Variants in PLPP5 observed in about 807,000 individuals in gnomAD.
PLPP5 encodes the protein diacylglycerol pyrophosphate like 1.
Under a neutral mutation model 23.6 loss-of-function variants are expected in PLPP5, and 29 were observed. The observed-to-expected ratio is 1.23, with a 90% CI of 0.92 to 1.68. The LOEUF is 1.68. PLPP5 is among the 40% of genes most tolerant of loss of function. The pLI, the probability that PLPP5 is intolerant of heterozygous loss-of-function variation, is 0.00. For synonymous variants in PLPP5, 143 were observed against 131.3 expected (o/e 1.09, Z -0.61); for missense variants, 315 against 332.1 (o/e 0.95, Z 0.40).
chr8:38,266,817 A>T (rs1015500227), intron 5 of PLPP5, among the ~76,000 whole-genome samples: 3 of 152,224 alleles, frequency 2.0e-5, no homozygotes, highest in African/African-American at 7.2e-5. Context: ...TTATCTGAGT[A>T]TAGTTTTCGG....
chr8:38,267,712 GCCCAGGTGTCA>G lies in PLPP5; in HGVS notation c.338+174_338+184del. The G allele has an allele frequency of 5.9e-6, 4 of 676,174 alleles. No individual in the cohort carries two copies. In the East Asian group the frequency reaches 1.1e-4, roughly 19 times the overall value. 41.9% of individuals were successfully genotyped at this position (676,174 alleles called of 1,614,324 possible). A position where few individuals can be genotyped will look rare whatever the true frequency, so the allele number is the denominator to read the frequency against. Reference sequence around the variant, plus strand: ...GGAAATGCTGTTCAGGCAGAAAAGAGCCCAGGTGTCACCTGGAGGACTGAGGTATGGGGAAG... The same window carrying G: ...GGAAATGCTGTTCAGGCAGAAAAGAGCCTGGAGGACTGAGGTATGGGGAAG... On this transcript the variant is annotated intron_variant, in intron 4 of 6. Coordinates refer to ENST00000424479, the MANE Select transcript of PLPP5 (RefSeq NM_001102559.2).
intron 2 of PLPP5, chr8:38,268,671 G>A (rs1309133860): frequency 4.9e-5 from 70 of 1,431,580 alleles, no homozygotes; most frequent in Admixed American, 5.7e-5. Flanking sequence ...CAGAGCGCCC[G>A]GGAAAACGTT....
chr8:38,268,794 C>G, intron 2 of PLPP5, 88 bp downstream of exon 2: 1 of 1,447,530 alleles, frequency 6.9e-7, no homozygotes, highest in Non-Finnish European at 9.1e-7. Flanking sequence ...TGGGTCCCTA[C>G]AAAGGCCGTC....
chr8:38,264,698 T>G, intron 6 of PLPP5, 94 bp from the exon 7 acceptor site: 1 of 1,437,278 alleles, frequency 7.0e-7, no homozygotes, highest in South Asian at 1.5e-5. Context: ...TCCAGGATAC[T>G]CTACTGTGGG....
At chr8:38,266,696 G>A (rs1230266933) in intron 5 of PLPP5, among the ~76,000 whole-genome samples, 2 of 152,146 alleles carry the variant, frequency 1.3e-5, no homozygotes, top group South Asian at 2.1e-4. Flanking sequence ...CACCACACCC[G>A]GCCATGAGGG....
chr8:38,268,166 C>T, intron 3 of PLPP5: 1 of 1,292,750 alleles, frequency 7.7e-7, no homozygotes, highest in Non-Finnish European at 1.0e-6. Context: ...GTACAAATAA[C>T]CCAGTGCATT....
intron 6 of PLPP5, chr8:38,265,211 A>T: frequency 3.1e-6 from 1 of 325,210 alleles, no homozygotes; most frequent in East Asian, 6.7e-5. Flanking sequence ...GGTTGCAGTG[A>T]GCCGAGATGG....
chr8:38,266,058 T>C (rs1807535034), intron 6 of PLPP5, 83 bp downstream of exon 6: 2 of 1,287,618 alleles, frequency 1.6e-6, no homozygotes, highest in South Asian at 1.5e-5. Flanking sequence ...AGCAGATATT[T>C]AGTAAGCATC....
chr8:38,268,366 C>T lies in PLPP5; in HGVS notation c.274+5G>A. On this transcript the variant is annotated splice_donor_5th_base_variant and intron_variant, in intron 3 of 6. Coordinates refer to ENST00000424479, the MANE Select transcript of PLPP5 (RefSeq NM_001102559.2). ...AGAAACCGGCCCGAAAGGGCTAGCG[C>T]TCACCCAGGCAGGCTTGTCTGCTGT... The T allele has an allele frequency of 4.5e-6, 7 of 1,562,960 alleles. No individual in the cohort carries two copies. Among genetic ancestry groups the T allele is most frequent in the Non-Finnish European group, 6.1e-6 (7 of 1,153,194 alleles).
rs1208821857 is a variant in PLPP5, at chr8:38,269,153, A to C, written c.47T>G (p.Val16Gly). The change falls in exon 1 of 7, where the codon GTG (valine) becomes GGG (glycine). Residue 16 changes from valine (V) to glycine (G), a missense_variant. Physicochemically the swap from Val to Gly is moderately radical, Grantham distance 109. Coordinates refer to ENST00000424479, the MANE Select transcript of PLPP5 (RefSeq NM_001102559.2). ...GAAGGCCGCGAACAGCGCGAGCCGCACGCCCACTTCGGCCCCAAAGGCCAC... is the reference window on the plus strand; with the variant it reads ...GAAGGCCGCGAACAGCGCGAGCCGCCCGCCCACTTCGGCCCCAAAGGCCAC... ...AAVAFGAEVG[V>G]RLALFAAFLV... The C allele has an allele frequency of 3.3e-6, 5 of 1,515,008 alleles. No individual in the cohort carries two copies. Among genetic ancestry groups the C allele is most frequent in the African/African-American group, 1.4e-5 (1 of 69,760 alleles). 93.8% of individuals were successfully genotyped at this position (1,515,008 alleles called of 1,614,324 possible).
chr8:38,266,822 T>A (rs971088712), intron 5 of PLPP5, among the ~76,000 whole-genome samples: 3 of 152,212 alleles, frequency 2.0e-5, no homozygotes, highest in Admixed American at 2.0e-4. Context: ...TGAGTATAGT[T>A]TTCGGTATAC....
In PLPP5 at chr8:38,267,272, G is replaced by T; in HGVS notation, c.458C>A (p.Ser153Tyr). ...EGRKSFPSGH[S>Y]SFAFAGLAFA... Reference sequence around the variant, plus strand: ...AGTCCATATGATATTCATACAGGAAGAATGTCCACTGGGGAAGCTCTTTCG... The same window carrying T: ...AGTCCATATGATATTCATACAGGAATAATGTCCACTGGGGAAGCTCTTTCG... Residue 153 changes from serine (S) to tyrosine (Y), a missense_variant, in exon 5 of 7, where the codon TCT (serine) becomes TAT (tyrosine). Physicochemically the swap from Ser to Tyr is moderately radical, Grantham distance 144. Coordinates refer to ENST00000424479, the MANE Select transcript of PLPP5 (RefSeq NM_001102559.2). The T allele has an allele frequency of 6.2e-7, 1 of 1,613,990 alleles. No individual in the cohort carries two copies. The highest frequency in any genetic ancestry group is 8.5e-7 in the Non-Finnish European group (1 of 1,179,884).
Position 38,263,803 on chromosome 8 carries a change from A to G in PLPP5, c.*641T>C. 1.1e-5 allele frequency: 11 copies of G among 985,260 alleles called. No homozygotes were observed. Among genetic ancestry groups the G allele is most frequent in the Non-Finnish European group, 1.3e-5 (11 of 829,738 alleles). 61.0% of individuals were successfully genotyped at this position (985,260 alleles called of 1,614,324 possible). ...CTAGCTTCTGAGACAAGGTGGGGCT[A>G]TGTAAAGGCTTCTTTGTGACAAGAT... On this transcript the variant is annotated 3_prime_UTR_variant, in exon 7 of 7. Coordinates refer to ENST00000424479, the MANE Select transcript of PLPP5 (RefSeq NM_001102559.2).
Position 38,266,246 on chromosome 8 carries a change from G to A in PLPP5, c.529C>T (p.Gln177Ter), listed in dbSNP as rs139454202. The change falls in exon 6 of 7, where the codon CAA (glutamine) becomes TAA (stop). Residue 177 changes from glutamine to a stop codon, truncating the protein, a stop_gained. Transcript: ENST00000424479. LOFTEE classifies it high-confidence loss of function. The part of the protein sequence containing the change: ...LAGKLHCFTP[Q>*]GRGKSWRFCA... ...AACCTCCAAGATTTCCCACGGCCTT[G>A]TGGTGTGAAGCAGTGTAACTTCCCT... 5.6e-6 allele frequency: 9 copies of A among 1,613,808 alleles called. No homozygotes were observed. The highest frequency in any genetic ancestry group is 7.6e-6 in the Non-Finnish European group (9 of 1,179,792).
Position 38,268,925 on chromosome 8 carries a change from T to C in PLPP5, c.140A>G (p.Asn47Ser). 1 of 1,557,364 alleles carries C rather than the reference T, an allele frequency of 6.4e-7. No individual in the cohort carries two copies. The highest frequency in any genetic ancestry group is 8.6e-7 in the Non-Finnish European group (1 of 1,157,174). The change falls in exon 2 of 7, where the codon AAC becomes AGC. Residue 47 changes from asparagine (N) to serine (S), a missense_variant. Asn to Ser is a conservative substitution (Grantham distance 46). Transcript: ENST00000424479. The part of the protein sequence containing the change: ...IQPEEMWLYR[N>S]PYVEAEYFPT... ...GAAATACTCCGCCTCCACGTAGGGG[T>C]TCCGGTAGAGCCACATCTCCTCCGG...
rs1808111266 is a variant in PLPP5, at chr8:38,268,622, G to GCC, written c.184-163_184-162dup. The GCC allele has an allele frequency of 2.1e-6, 3 of 1,440,590 alleles. No individual in the cohort carries two copies. In the African/African-American group the frequency reaches 4.3e-5, roughly 21 times the overall value. 89.2% of individuals were successfully genotyped at this position (1,440,590 alleles called of 1,614,324 possible). ...GGCAGCGCCACCAGTGAACAGCAGC[G>GCC]CCCGTGCGGCTCGGGCCCCGGTACC... On this transcript the variant is annotated intron_variant, in intron 2 of 6. Coordinates refer to ENST00000424479, the MANE Select transcript of PLPP5 (RefSeq NM_001102559.2).
At chr8:38,268,043 G>T in intron 3 of PLPP5, 83 bp from the exon 4 acceptor site, 2 of 1,601,512 alleles carry the variant, frequency 1.2e-6, no homozygotes, top group Non-Finnish European at 8.5e-7. Flanking sequence ...CAGCCGTGCT[G>T]TTTCTGAGAT....
At chr8:38,265,367 G>GT (rs913210509) in intron 6 of PLPP5, among the ~76,000 whole-genome samples, 49 of 150,578 alleles carry the variant, frequency 3.3e-4, no homozygotes, top group African/African-American at 7.8e-4. Context: ...TACCTCCAGC[G>GT]TTTTTTTTGG....
intron 3 of PLPP5, 160 bp from the exon 4 acceptor site, chr8:38,268,120 C>G (rs571076828): frequency 6.9e-7 from 1 of 1,449,016 alleles, no homozygotes; most frequent in South Asian, 1.5e-5. Flanking sequence ...CTTTTGTAGC[C>G]GAGAACTTTT....
Sources: gnomAD v4.1 joint callset for allele counts (sites outside exome capture counted in the v4.1 genomes callset) on GRCh38, gnomAD v4.1.1 for gene constraint, MANE v1.5 for transcripts, NCBI Gene and HGNC (gene_info 2026-07-23, HGNC 2026-07-21) for gene names.